KIF26B: variants seen among roughly 807,000 people sequenced by gnomAD.
KIF26B encodes the protein kinesin family member 26B.
A neutral mutation model predicts 151.2 loss-of-function variants in KIF26B; 63 were observed. The observed-to-expected ratio is 0.42, with a 90% CI of 0.34 to 0.51. KIF26B has a LOEUF of 0.51. Ranked by LOEUF, KIF26B falls within the 20% of genes least tolerant of loss-of-function variation. KIF26B has a pLI of 0.07. For missense variants in KIF26B, 2,813 were observed against 2,913.6 expected (o/e 0.97, Z 0.79); for synonymous variants, 1,357 against 1,262.1 (o/e 1.08, Z -1.59).
intron 5 of KIF26B, among the ~76,000 whole-genome samples, chr1:245,576,773 A>C (rs1053914899): frequency 9.2e-5 from 14 of 152,336 alleles, no homozygotes; most frequent in African/African-American, 3.4e-4. Context: ...TTGTTTAGAC[A>C]GGAGGGGTTT....
chr1:245,195,649 G>A (rs1669178050), intron 2 of KIF26B, among the ~76,000 whole-genome samples: 1 of 152,216 alleles, frequency 6.6e-6, no homozygotes, highest in Non-Finnish European at 1.5e-5. Context: ...GGGGGAAGGA[G>A]GCTGAGCATG....
chr1:245,486,889 T>C (rs1660292771), intron 4 of KIF26B, among the ~76,000 whole-genome samples: 1 of 152,174 alleles, frequency 6.6e-6, no homozygotes, highest in Non-Finnish European at 1.5e-5. Flanking sequence ...CAGGCTGTGG[T>C]TCAGCTTTAA....
intron 4 of KIF26B, among the ~76,000 whole-genome samples, chr1:245,499,237 T>C (rs993125836): frequency 6.6e-6 from 1 of 151,880 alleles, no homozygotes; most frequent in Non-Finnish European, 1.5e-5. Flanking sequence ...AACACTAGAA[T>C]AATAGTGATG....
chr1:245,344,494 CAAA>C (rs57007301), intron 2 of KIF26B, among the ~76,000 whole-genome samples: 3 of 39,982 alleles, frequency 7.5e-5, no homozygotes, highest in Non-Finnish European at 3.0e-4. Context: ...GACTCCGTCT[CAAA>C]AAAAAAAAAA....
At chr1:245,552,383 G>A (rs12035459) in intron 5 of KIF26B, among the ~76,000 whole-genome samples, 49,630 of 151,656 alleles carry the variant, frequency 0.33, 8,587 homozygotes, top group Non-Finnish European at 0.38. Context: ...ATGGAAGGTC[G>A]TCTGATTTAC....
In KIF26B at chr1:245,611,983, C is replaced by T. The variant is rs116826447; in HGVS notation, c.2098+7C>T. 1,253 of 1,609,658 alleles carry T rather than the reference C, an allele frequency of 7.8e-4. 10 individuals are homozygous for T. In the African/African-American group the frequency reaches 0.014, roughly 17 times the overall value. On this transcript the variant is annotated splice_region_variant and intron_variant, in intron 9 of 14. Coordinates refer to ENST00000407071, the MANE Select transcript of KIF26B (RefSeq NM_018012.4). ...AAGAGCGGGAAAGGGGGAAGTAAGTCGGCCACTCCACCCTCCTGCCTCCTT... is the reference window on the plus strand; with the variant it reads ...AAGAGCGGGAAAGGGGGAAGTAAGTTGGCCACTCCACCCTCCTGCCTCCTT...
intron 2 of KIF26B, among the ~76,000 whole-genome samples, chr1:245,190,634 G>GTTTTTTTTTTTTTTTTTTT (rs149338802): frequency 9.4e-6 from 1 of 106,856 alleles, no homozygotes; most frequent in Non-Finnish European, 2.2e-5. Context: ...TGAATGTTTT[G>GTTTTTTTTTTTTTTTTTTT]TTTTGTTTTT....
chr1:245,224,402 G>C (rs956912648), intron 2 of KIF26B, among the ~76,000 whole-genome samples: 6 of 152,172 alleles, frequency 3.9e-5, no homozygotes, highest in Non-Finnish European at 1.5e-5. Context: ...TGTTTGAGTT[G>C]CCAGCCAAGC....
At chr1:245,356,298 G>A (rs1672698835) in intron 2 of KIF26B, among the ~76,000 whole-genome samples, 1 of 152,194 alleles carries the variant, frequency 6.6e-6, no homozygotes, top group South Asian at 2.1e-4. Flanking sequence ...GCTCATGCCT[G>A]TATTCCCAGC....
In KIF26B at chr1:245,239,405, A is replaced by G. The variant is rs1670172374; in HGVS notation, c.465+82722A>G. ...ACTAGAAAGCGAATTCTTTCTTTGC[A>G]TCAATTTTTATCAAAAACTTAATGC... On this transcript the variant is annotated intron_variant, in intron 2 of 14. Transcript: ENST00000407071. The surrounding 1 kb of genome is among the most constrained non-coding windows in gnomAD (Gnocchi z 4.3). Among the ~76,000 whole-genome samples the G allele has an allele frequency of 6.6e-6, 1 of 152,228 alleles. No individual in the cohort carries two copies. Among genetic ancestry groups the G allele is most frequent in the South Asian group, 2.1e-4 (1 of 4,834 alleles).
chr1:245,478,661 C>A (rs1352231310), intron 4 of KIF26B, among the ~76,000 whole-genome samples: 1 of 151,588 alleles, frequency 6.6e-6, no homozygotes, highest in Non-Finnish European at 1.5e-5. Context: ...GTGGTCCACC[C>A]GTATCGGCCT....
chr1:245,688,851 T>C, intron 12 of KIF26B, 44 bp downstream of exon 12: 1 of 1,520,912 alleles, frequency 6.6e-7, no homozygotes, highest in Non-Finnish European at 8.8e-7. Flanking sequence ...GGGCGGCAGG[T>C]GGGCGAGCTG....
chr1:245,233,710 A>G (rs1670045758), intron 2 of KIF26B, among the ~76,000 whole-genome samples: 1 of 152,112 alleles, frequency 6.6e-6, no homozygotes, highest in African/African-American at 2.4e-5. Flanking sequence ...CTCTGTCATA[A>G]TTTTCTTATT....
At chr1:245,521,886 G>A (rs1311485681) in intron 4 of KIF26B, among the ~76,000 whole-genome samples, 7 of 150,628 alleles carry the variant, frequency 4.6e-5, no homozygotes, top group Non-Finnish European at 4.5e-5. Flanking sequence ...TTTGTTTTGA[G>A]ATGGAGTCTT....
intron 4 of KIF26B, among the ~76,000 whole-genome samples, chr1:245,520,512 TCATCCATCCATCCATCCATC>T (rs72448876): frequency 6.7e-6 from 1 of 149,580 alleles, no homozygotes; most frequent in Non-Finnish European, 1.5e-5. Context: ...CACAATCTAT[TCATCCATCCATCCATCCATC>T]CATCCATCCA....
Position 245,175,229 on chromosome 1 carries a change from C to T in KIF26B, c.465+18546C>T, listed in dbSNP as rs147684841. On this transcript the variant is annotated intron_variant, in intron 2 of 14. Transcript: ENST00000407071. ...CCCAGAGGTGAAAGGCTACATATTCCATTACAACCCCTAGCCAATCTGCCT... is the reference window on the plus strand; with the variant it reads ...CCCAGAGGTGAAAGGCTACATATTCTATTACAACCCCTAGCCAATCTGCCT... 4.2e-4 allele frequency among the ~76,000 whole-genome samples: 64 copies of T among 152,234 alleles called. 1 individual carries two copies. Among genetic ancestry groups the T allele is most frequent in the African/African-American group, 1.4e-3 (59 of 41,526 alleles).
At chr1:245,665,761 T>C (rs112208568) in intron 10 of KIF26B, among the ~76,000 whole-genome samples, 12 of 152,198 alleles carry the variant, frequency 7.9e-5, no homozygotes, top group African/African-American at 2.6e-4. Context: ...CACCCAGGAC[T>C]GCAACCTCCG....
chr1:245,369,168 TGAGAGAGAGAGAGAGAGA>T (rs112848389), intron 3 of KIF26B, among the ~76,000 whole-genome samples: 1 of 135,764 alleles, frequency 7.4e-6, no homozygotes, highest in Non-Finnish European at 1.7e-5. Context: ...AAAAGAAGAG[TGAGAGAGAGAGAGAGAGA>T]GAGAGAGAGA....
chr1:245,567,078 G>A (rs1237826596), intron 5 of KIF26B, among the ~76,000 whole-genome samples: 4 of 152,164 alleles, frequency 2.6e-5, no homozygotes, highest in Non-Finnish European at 2.9e-5. Flanking sequence ...CCCCAGCCGC[G>A]GCCAAGGGTC....
Sources: allele counts gnomAD v4.1 joint callset (sites outside exome capture counted in the v4.1 genomes callset), GRCh38; gene constraint gnomAD v4.1.1; non-coding constraint Gnocchi (gnomAD v3.1); transcripts MANE v1.5; gene names NCBI Gene and HGNC (gene_info 2026-07-23, HGNC 2026-07-21).